The following SYNPR variants were observed in gnomAD, a reference collection of about 807,000 sequenced individuals.
SYNPR encodes the protein synaptoporin.
A neutral mutation model predicts 32.9 loss-of-function variants in SYNPR; 23 were observed. The ratio of observed to expected loss-of-function variants is 0.70; its 90% CI spans 0.50 to 0.99. The LOEUF is 0.99. Ranked by LOEUF, SYNPR falls within the 50% of genes least tolerant of loss-of-function variation. The pLI is 0.00. For missense variants in SYNPR, 318 were observed against 349.3 expected (o/e 0.91, Z 0.71); for synonymous variants, 146 against 135.9 (o/e 1.07, Z -0.52).
chr3:63,600,121 A>G (rs935122983), intron 4 of SYNPR, among the ~76,000 whole-genome samples: 2 of 152,228 alleles, frequency 1.3e-5, no homozygotes, highest in African/African-American at 4.8e-5. Context: ...TAAGCTGTCT[A>G]TGCTTTAGTT....
intron 2 of SYNPR, among the ~76,000 whole-genome samples, chr3:63,408,253 GAAAGAAAGAAAGAAAGAAAGAAAGAGGA>G: frequency 1.7e-5 from 2 of 119,724 alleles, no homozygotes; most frequent in Non-Finnish European, 3.3e-5. Context: ...AAGAAAGAAA[GAAAGAAAGAAAGAAAGAAAGAAAGAGGA>G]AGGAAGGAAG....
At chr3:63,443,922 T>A (rs575634409) in intron 2 of SYNPR, among the ~76,000 whole-genome samples, 35 of 152,360 alleles carry the variant, frequency 2.3e-4, no homozygotes, top group African/African-American at 8.2e-4. Context: ...TTATATGTTG[T>A]GCTGAAAGGT....
chr3:63,454,957 T>C (rs1329732360), intron 2 of SYNPR, among the ~76,000 whole-genome samples: 1 of 152,154 alleles, frequency 6.6e-6, no homozygotes, highest in Non-Finnish European at 1.5e-5. Flanking sequence ...GGAAAACATA[T>C]TAGGTTATAA....
intron 2 of SYNPR, among the ~76,000 whole-genome samples, chr3:63,388,292 G>A (rs1319232906): frequency 6.6e-6 from 1 of 151,670 alleles, no homozygotes; most frequent in East Asian, 1.9e-4. Context: ...GGGATATCTG[G>A]AAGGCATATC....
the SYNPR span, among the ~76,000 whole-genome samples, chr3:63,216,999 G>A: frequency 5.3e-5 from 1 of 19,006 alleles, no homozygotes; most frequent in East Asian, 4.4e-4. Flanking sequence ...CTGCTGGGGG[G>A]TGCCTCCCAG....
At chr3:63,585,149 C>G (rs900505676) in intron 4 of SYNPR, among the ~76,000 whole-genome samples, 2 of 152,112 alleles carry the variant, frequency 1.3e-5, no homozygotes, top group Non-Finnish European at 2.9e-5. Flanking sequence ...TGCAAAAAAA[C>G]TGTGAATGTG....
chr3:63,240,529 A>G (rs1315558464), intron 1 of SYNPR, among the ~76,000 whole-genome samples: 1 of 152,092 alleles, frequency 6.6e-6, no homozygotes. Flanking sequence ...TGTGTGGAGC[A>G]ATGAATAAGG....
At chr3:63,480,720 T>C in intron 2 of SYNPR, 112 bp from the exon 3 acceptor site, 1 of 1,389,674 alleles carries the variant, frequency 7.2e-7, no homozygotes, top group Non-Finnish European at 9.7e-7. Context: ...ATGCTCTTCT[T>C]CAGAAGGACC....
intron 2 of SYNPR, among the ~76,000 whole-genome samples, chr3:63,477,767 G>A (rs925143408): frequency 1.3e-5 from 2 of 152,216 alleles, no homozygotes; most frequent in Admixed American, 6.5e-5. Flanking sequence ...CCCTTACAGG[G>A]ATCAGTAGCT....
intron 1 of SYNPR, among the ~76,000 whole-genome samples, chr3:63,238,517 G>C (rs1291628286): frequency 6.6e-6 from 1 of 151,932 alleles, no homozygotes; most frequent in Admixed American, 6.6e-5. Context: ...ATGACTTTTA[G>C]ACATGAAAAA....
At chr3:63,570,666 C>A (rs1292722709) in intron 4 of SYNPR, among the ~76,000 whole-genome samples, 3 of 152,262 alleles carry the variant, frequency 2.0e-5, no homozygotes, top group Middle Eastern at 3.4e-3. Context: ...GTCCTTATCC[C>A]CAAAGATATG....
At chr3:63,339,626 A>G (rs2087337789) in intron 2 of SYNPR, among the ~76,000 whole-genome samples, 1 of 151,930 alleles carries the variant, frequency 6.6e-6, no homozygotes, top group African/African-American at 2.4e-5. Context: ...CACTATAATC[A>G]AGATAAAGAA....
intron 3 of SYNPR, among the ~76,000 whole-genome samples, chr3:63,533,295 T>C (rs1036540599): frequency 6.6e-6 from 1 of 151,914 alleles, no homozygotes. Flanking sequence ...CACAAGGTCT[T>C]AATCAAATCC....
At chr3:63,420,139 T>A (rs989375827) in intron 2 of SYNPR, among the ~76,000 whole-genome samples, 1 of 152,090 alleles carries the variant, frequency 6.6e-6, no homozygotes, top group Admixed American at 6.5e-5. Context: ...AAGATGCAAA[T>A]TTTCCCCCAA....
intron 2 of SYNPR, among the ~76,000 whole-genome samples, chr3:63,387,627 A>G (rs1040602761): frequency 5.3e-5 from 8 of 152,234 alleles, no homozygotes; most frequent in Non-Finnish European, 7.3e-5. Context: ...AGAGTGGGAA[A>G]GAATATAGGA....
At chr3:63,565,136 T>C (rs900052291) in intron 4 of SYNPR, among the ~76,000 whole-genome samples, 3 of 152,162 alleles carry the variant, frequency 2.0e-5, no homozygotes, top group African/African-American at 7.2e-5. Flanking sequence ...TTCTACTCCA[T>C]AGCCTGGCAT....
chr3:63,260,292 G>T (rs959767071), intron 2 of SYNPR, among the ~76,000 whole-genome samples: 5 of 152,136 alleles, frequency 3.3e-5, no homozygotes, highest in Non-Finnish European at 5.9e-5. Context: ...AACAAAGCTG[G>T]AGGCATCACG....
intron 3 of SYNPR, among the ~76,000 whole-genome samples, chr3:63,486,567 G>A (rs114670468): frequency 0.019 from 2,942 of 152,240 alleles, 47 homozygotes; most frequent in Non-Finnish European, 0.029. Flanking sequence ...CTTGATCTCA[G>A]GGGCTGCCTC....
intron 2 of SYNPR, among the ~76,000 whole-genome samples, chr3:63,397,030 G>T (rs1398101954): frequency 6.6e-6 from 1 of 151,544 alleles, no homozygotes; most frequent in Non-Finnish European, 1.5e-5. Flanking sequence ...CGTGAACCCG[G>T]GAGGCGGAGC....
Sources: allele counts gnomAD v4.1 joint callset (sites outside exome capture counted in the v4.1 genomes callset), GRCh38; gene constraint gnomAD v4.1.1; transcripts MANE v1.5; gene names NCBI Gene and HGNC (gene_info 2026-07-23, HGNC 2026-07-21).